Variants in DNAH14 observed in about 807,000 individuals in gnomAD.
DNAH14 encodes the protein dynein axonemal heavy chain 14, also known as axonemal beta dynein heavy chain 14.
DNAH14 carries 478 observed loss-of-function variants against 520.9 expected under a neutral mutation model. That is an observed-to-expected ratio of 0.92 (90% CI 0.85 to 0.99). The LOEUF is 0.99. Ranked by LOEUF, DNAH14 falls within the 50% of genes least tolerant of loss-of-function variation. The pLI is 0.00. For synonymous variants in DNAH14, 1,581 were observed against 1,757.2 expected (o/e 0.90, Z 2.51); for missense variants, 4,831 against 5,234.5 (o/e 0.92, Z 2.38).
At chr1:225,048,815 A>G (rs2068210085) in intron 15 of DNAH14, among the ~76,000 whole-genome samples, 1 of 152,096 alleles carries the variant, frequency 6.6e-6, no homozygotes. Flanking sequence ...ATCATTTTGC[A>G]TTCTTACCAG....
chr1:225,334,792 C>G (rs2094877838), intron 66 of DNAH14, among the ~76,000 whole-genome samples: 1 of 151,436 alleles, frequency 6.6e-6, no homozygotes, highest in South Asian at 2.1e-4. Context: ...TCGCTTGAGC[C>G]CAGGAGGTCA....
Position 225,322,750 on chromosome 1 carries a change from C to G in DNAH14, c.9422C>G (p.Ala3141Gly). ...CAAAAGAAACCTAACTGGGCAACGG[C>G]AAAGTTACTTCTTTCAGAAACTGGT... is the stretch of plus-strand genomic sequence containing the variant. The part of the protein sequence containing the change: ...LLQKKPNWAT[A>G]KLLLSETGFL... Residue 3141 changes from alanine (A) to glycine (G), a missense_variant, in exon 62 of 86, where the codon GCA becomes GGA. Transcript: ENST00000682510. 2 of 1,551,698 alleles carry G rather than the reference C, an allele frequency of 1.3e-6. No individual in the cohort carries two copies. The highest frequency in any genetic ancestry group is 1.7e-6 in the Non-Finnish European group (2 of 1,146,964).
At chr1:225,134,479 A>G (rs1044022476) in intron 27 of DNAH14, among the ~76,000 whole-genome samples, 1 of 152,208 alleles carries the variant, frequency 6.6e-6, no homozygotes, top group African/African-American at 2.4e-5. Flanking sequence ...ATCTATTGAG[A>G]TAACGTGGTT....
At position 225,259,250 on chromosome 1, in the gene DNAH14, C is replaced by T; in HGVS notation, c.7154C>T (p.Ser2385Leu). ...CTATTATATAGTGAAATAAAAAAAT[C>T]AAGGTTGTATATACTAACTTCTAAA... ...DTLLYSEIKK[S>L]SSLKQNITIL... The change falls in exon 46 of 86, where the codon TCA becomes TTA. Residue 2385 changes from serine (S) to leucine (L), a missense_variant. Transcript: ENST00000682510. 1 of 1,475,356 alleles carries T rather than the reference C, an allele frequency of 6.8e-7. No individual in the cohort carries two copies. The highest frequency in any genetic ancestry group is 9.0e-7 in the Non-Finnish European group (1 of 1,107,118). The allele number at this position is 1,475,356 out of a possible 1,614,324, so 91.4% of individuals were successfully genotyped here.
At chr1:225,015,511 T>C (rs1297310593) in intron 10 of DNAH14, among the ~76,000 whole-genome samples, 1 of 152,160 alleles carries the variant, frequency 6.6e-6, no homozygotes, top group Non-Finnish European at 1.5e-5. Flanking sequence ...GGTTATCATC[T>C]TTTCACTTCC....
chr1:225,311,197 A>G (rs1255913595), intron 60 of DNAH14, among the ~76,000 whole-genome samples: 3 of 152,230 alleles, frequency 2.0e-5, no homozygotes, highest in Non-Finnish European at 4.4e-5. Flanking sequence ...TCTAATGACC[A>G]GTAATGATAA....
At chr1:225,026,368 T>G (rs2066121240) in intron 11 of DNAH14, among the ~76,000 whole-genome samples, 4 of 152,134 alleles carry the variant, frequency 2.6e-5, no homozygotes, top group Admixed American at 2.6e-4. Context: ...CTTGTTTTTA[T>G]CTAAGATCTT....
At chr1:225,294,654 C>G (rs1277544494) in intron 55 of DNAH14, among the ~76,000 whole-genome samples, 1 of 151,964 alleles carries the variant, frequency 6.6e-6, no homozygotes, top group Non-Finnish European at 1.5e-5. Context: ...AACCCAATAT[C>G]TACTAAAAGT....
rs189311427 is a variant in DNAH14 at position 225,168,422 on chromosome 1, G to C, written c.5535+394G>C. ...CTAGCCAAGGAAAGGGGTGACAGAC[G>C]GCACCTGGAAAATCAGGTCACTCCC... On this transcript the variant is annotated intron_variant, in intron 36 of 85. Coordinates refer to ENST00000682510, the MANE Select transcript of DNAH14 (RefSeq NM_001367479.1). Among the ~76,000 whole-genome samples the C allele has an allele frequency of 2.9e-4, 44 of 152,284 alleles. No homozygotes were observed. In the East Asian group the frequency reaches 7.3e-3, roughly 25 times the overall value.
At chr1:225,315,530 T>C (rs528251226) in intron 60 of DNAH14, among the ~76,000 whole-genome samples, 2 of 152,172 alleles carry the variant, frequency 1.3e-5, no homozygotes, top group Admixed American at 6.5e-5. Context: ...TTCTGTGTTT[T>C]GGAATTTTCA....
intron 74 of DNAH14, among the ~76,000 whole-genome samples, chr1:225,360,400 A>G (rs1189580507): frequency 6.6e-6 from 1 of 151,936 alleles, no homozygotes; most frequent in Non-Finnish European, 1.5e-5. Flanking sequence ...GCCATCTCGA[A>G]CAACACTGGG....
At chr1:225,094,835 AC>A (rs376809380) in intron 21 of DNAH14, among the ~76,000 whole-genome samples, 16 of 144,292 alleles carry the variant, frequency 1.1e-4, no homozygotes, top group Middle Eastern at 3.5e-3. Context: ...AAAAAAAAAA[AC>A]AACCCCATTA....
Position 224,968,873 on chromosome 1 carries a change from C to T in DNAH14, c.766C>T (p.Arg256Ter), listed in dbSNP as rs767959575. The change falls in exon 7 of 86, where the codon CGA (arginine) becomes TGA (stop). Residue 256 changes from arginine (R) to a stop codon, truncating the protein, a stop_gained and splice_region_variant. Transcript: ENST00000682510. LOFTEE classifies it high-confidence loss of function. ...LRQFKIFSDF[R>*]MNKAFVTWKL... ...GCAATTCAAGATATTTTCTGATTTC[C>T]GGTGAGGTGAAAAAAATGAAACCAA... The T allele has an allele frequency of 2.2e-5, 34 of 1,530,108 alleles. No homozygotes were observed. Among genetic ancestry groups the T allele is most frequent in the Middle Eastern group, 1.7e-4 (1 of 5,954 alleles). The allele number at this position is 1,530,108 out of a possible 1,614,324, so 94.8% of individuals were successfully genotyped here.
chr1:225,338,010 C>A, intron 67 of DNAH14, 51 bp from the exon 68 acceptor site: 2 of 1,451,938 alleles, frequency 1.4e-6, no homozygotes, highest in Non-Finnish European at 1.8e-6. Context: ...TTTTTTTCAA[C>A]CAATTTGTTT....
chr1:224,989,810 A>G (rs1415894584), intron 8 of DNAH14, among the ~76,000 whole-genome samples: 2 of 152,028 alleles, frequency 1.3e-5, no homozygotes, highest in Non-Finnish European at 2.9e-5. Flanking sequence ...GTATAAATTT[A>G]TTTGATCACG....
intron 54 of DNAH14, among the ~76,000 whole-genome samples, chr1:225,282,712 C>T (rs2093653624): frequency 6.6e-6 from 1 of 152,154 alleles, no homozygotes; most frequent in African/African-American, 2.4e-5. Flanking sequence ...ATCTATGCAG[C>T]AATTTCAGTC....
chr1:225,383,412 A>T (rs2095803033), intron 81 of DNAH14, among the ~76,000 whole-genome samples: 1 of 152,236 alleles, frequency 6.6e-6, no homozygotes, highest in African/African-American at 2.4e-5. Flanking sequence ...GAAACTAAAA[A>T]GCAGAGAGGC....
chr1:225,383,250 C>T (rs10753404), intron 81 of DNAH14, among the ~76,000 whole-genome samples: 77,339 of 151,938 alleles, frequency 0.51, 21,998 homozygotes, highest in East Asian at 0.74. Context: ...TGAAGACAGA[C>T]GAGAGGAAAT....
intron 38 of DNAH14, among the ~76,000 whole-genome samples, chr1:225,197,270 T>A (rs2086266044): frequency 6.6e-6 from 1 of 152,206 alleles, no homozygotes; most frequent in Non-Finnish European, 1.5e-5. Flanking sequence ...GCTTGCCAAT[T>A]ATCCCAGCAC....
Sources: gnomAD v4.1 joint callset for allele counts (sites outside exome capture counted in the v4.1 genomes callset) on GRCh38, gnomAD v4.1.1 for gene constraint, MANE v1.5 for transcripts, NCBI Gene and HGNC (gene_info 2026-07-23, HGNC 2026-07-21) for gene names.